The following LRCH2 variants were observed in gnomAD, a reference collection of about 807,000 sequenced individuals.
LRCH2 encodes the protein leucine-rich repeat and calponin homology domain-containing protein 2.
A neutral mutation model predicts 68.9 loss-of-function variants in LRCH2; 38 were observed. The observed-to-expected ratio is 0.55, with a 90% CI of 0.43 to 0.72. LRCH2 has a LOEUF of 0.72. Among genes scored for constraint, LRCH2 ranks in the 30% least tolerant of loss-of-function variants. LRCH2 has a pLI of 0.00. For synonymous variants in LRCH2, 191 were observed against 208.1 expected (o/e 0.92, Z 0.71); for missense variants, 528 against 572.9 (o/e 0.92, Z 0.80).
At chrX:115,152,159 C>T (rs2072437003) in intron 12 of LRCH2, among the ~76,000 whole-genome samples, 1 of 111,607 alleles carries the variant, frequency 9.0e-6, no homozygotes, top group African/African-American at 3.3e-5. Context: ...CCTCATAATT[C>T]ACAGGACATC....
rs972128278 is a variant in LRCH2, at chrX:115,230,069, G to C, written c.349+3624C>G. 5.4e-5 allele frequency among the ~76,000 whole-genome samples: 6 copies of C among 112,094 alleles called. No homozygotes were observed. The Admixed American group carries it at 5.7e-4, about 11-fold the overall frequency. ...ACTGGTGACAGAGTCAACTATGCAAGGTTTCAGGATTTGTTTGGGTAACAA... is the reference window on the plus strand; with the variant it reads ...ACTGGTGACAGAGTCAACTATGCAACGTTTCAGGATTTGTTTGGGTAACAA... On this transcript the variant is annotated intron_variant, in intron 1 of 20. Coordinates refer to ENST00000317135, the MANE Select transcript of LRCH2 (RefSeq NM_020871.4).
At chrX:115,172,752 ATTT>A (rs35680669) in intron 5 of LRCH2, among the ~76,000 whole-genome samples, 3 of 82,759 alleles carry the variant, frequency 3.6e-5, no homozygotes, top group African/African-American at 1.3e-4. Flanking sequence ...CTTACTTTCT[ATTT>A]TTTTTTTTTT....
At chrX:115,140,597 A>G (rs1331127610) in intron 14 of LRCH2, among the ~76,000 whole-genome samples, 2 of 110,677 alleles carry the variant, frequency 1.8e-5, no homozygotes, top group Non-Finnish European at 3.8e-5. Flanking sequence ...GCATTTCTGG[A>G]CCTGCCCCAA....
Position 115,233,998 on chromosome X carries a change from C to A in LRCH2, c.44G>T (p.Gly15Val), listed in dbSNP as rs937307325. ...QGGGGNSGGGGCGGGGSSGGC... is the reference protein window; with the variant it reads ...QGGGGNSGGGVCGGGGSSGGC... ...ACCGCTACTTCCACCTCCACCACAA[C>A]CGCCGCCCCCACTGTTACCGCCTCC... The change falls in exon 1 of 21, where the codon GGT becomes GTT. Residue 15 changes from glycine (G) to valine (V), a missense_variant. Coordinates refer to ENST00000317135, the MANE Select transcript of LRCH2 (RefSeq NM_020871.4). 8.6e-7 allele frequency: 1 copy of A among 1,166,580 alleles called. No individual in the cohort carries two copies. The highest frequency in any genetic ancestry group is 1.1e-6 in the Non-Finnish European group (1 of 872,704).
At chrX:115,191,773 C>G in intron 1 of LRCH2, 1 of 1,161,699 alleles carries the variant, frequency 8.6e-7, no homozygotes, top group African/African-American at 1.8e-5. Context: ...AGGAGGAGGC[C>G]GCTACGAGGA....
In LRCH2 at chrX:115,153,334, A is replaced by T. The variant is rs190441537; in HGVS notation, c.1530-3264T>A. Among the ~76,000 whole-genome samples, 461 of 109,289 alleles carry T rather than the reference A, an allele frequency of 4.2e-3. 4 individuals are homozygous for T. Among genetic ancestry groups the T allele is most frequent in the African/African-American group, 0.015 (438 of 30,031 alleles). The allele number at this position is 109,289 out of a possible 115,157, so 94.9% of individuals were successfully genotyped here. A position where few individuals can be genotyped will look rare whatever the true frequency, so the allele number is the denominator to read the frequency against. On this transcript the variant is annotated intron_variant, in intron 12 of 20. Transcript: ENST00000317135. ...GCAAGATCCTGTTTAAAAAAAAAAA[A>T]TTTAAAAAAAGACTTTTTCAGACAT...
At chrX:115,189,191 G>T (rs1556555832) in intron 1 of LRCH2, among the ~76,000 whole-genome samples, 1 of 112,419 alleles carries the variant, frequency 8.9e-6, no homozygotes, top group Admixed American at 9.4e-5. Flanking sequence ...CTCTGGCTTA[G>T]AAGACTACAC....
At chrX:115,166,461 A>C (rs1214394421) in intron 6 of LRCH2, 119 bp from the exon 7 acceptor site, 2 of 454,877 alleles carry the variant, frequency 4.4e-6, no homozygotes, top group African/African-American at 2.6e-5. Flanking sequence ...TAAGATCCTT[A>C]ATTAGGGACA....
intron 18 of LRCH2, 89 bp from the exon 19 acceptor site, chrX:115,122,986 TA>T: frequency 1.3e-5 from 14 of 1,083,995 alleles, no homozygotes; most frequent in Non-Finnish European, 1.6e-5. Flanking sequence ...CCAAACATTT[TA>T]AGGAGCATTG....
intron 1 of LRCH2, among the ~76,000 whole-genome samples, chrX:115,203,527 CT>C (rs1223889249): frequency 8.9e-6 from 1 of 112,598 alleles, no homozygotes; most frequent in African/African-American, 3.2e-5. Flanking sequence ...AAGTTAGTTA[CT>C]TCCTATATAC....
intron 14 of LRCH2, among the ~76,000 whole-genome samples, chrX:115,132,623 C>A (rs1385202957): frequency 8.9e-6 from 1 of 111,869 alleles, no homozygotes; most frequent in African/African-American, 3.2e-5. Context: ...CCTCCACTGT[C>A]TCTCCTATGG....
chrX:115,231,968 G>C (rs2073155457), intron 1 of LRCH2, among the ~76,000 whole-genome samples: 1 of 111,543 alleles, frequency 9.0e-6, no homozygotes, highest in Admixed American at 9.5e-5. Flanking sequence ...ACAATTTCTT[G>C]GAAGAGCTGG....
chrX:115,191,125 G>A (rs1458277387), intron 1 of LRCH2: 5 of 1,165,700 alleles, frequency 4.3e-6, no homozygotes, highest in Admixed American at 2.6e-5. Context: ...CTCGCATGAC[G>A]CCCACAGTGG....
rs782568518 is a variant in LRCH2, at chrX:115,219,400, T to C, written c.349+14293A>G. ...AATAAATTGACCAATTAAAAAGTAA[T>C]GACAAATTCCACAAACTGGAAAAAA... On this transcript the variant is annotated intron_variant, in intron 1 of 20. Transcript: ENST00000317135. 3.8e-5 allele frequency among the ~76,000 whole-genome samples: 3 copies of C among 78,588 alleles called. No individual in the cohort carries two copies. In the East Asian group the frequency reaches 1.3e-3, roughly 34 times the overall value. 68.2% of individuals were successfully genotyped at this position (78,588 alleles called of 115,157 possible).
chrX:115,143,748 C>T (rs782413407), intron 14 of LRCH2, among the ~76,000 whole-genome samples: 12 of 111,162 alleles, frequency 1.1e-4, no homozygotes, highest in Non-Finnish European at 2.1e-4. Context: ...ACTAGCAAAC[C>T]GAATTCAACA....
chrX:115,122,329 A>G (rs903442534), intron 20 of LRCH2, among the ~76,000 whole-genome samples, 198 bp downstream of exon 20: 3 of 111,502 alleles, frequency 2.7e-5, no homozygotes, highest in African/African-American at 9.8e-5. Flanking sequence ...TAGCTATTTT[A>G]TAAATTACTT....
chrX:115,188,838 G>GA (rs1183704068), intron 1 of LRCH2, among the ~76,000 whole-genome samples: 31 of 111,625 alleles, frequency 2.8e-4, no homozygotes, highest in African/African-American at 1.0e-3. Context: ...CTCAAAAAAA[G>GA]AAAAAAACCT....
intron 5 of LRCH2, among the ~76,000 whole-genome samples, chrX:115,172,761 T>TCCAAAAA (rs2072614391): frequency 1.9e-5 from 2 of 105,101 alleles, no homozygotes; most frequent in African/African-American, 6.9e-5. Flanking sequence ...TATTTTTTTT[T>TCCAAAAA]TTTTTTTTTT....
At chrX:115,150,359 T>C (rs1465270199) in intron 12 of LRCH2, among the ~76,000 whole-genome samples, 1 of 111,054 alleles carries the variant, frequency 9.0e-6, no homozygotes, top group African/African-American at 3.3e-5. Flanking sequence ...TAAAGATATA[T>C]TGTCAAAGGA....
Sources: allele counts gnomAD v4.1 joint callset (sites outside exome capture counted in the v4.1 genomes callset), GRCh38; gene constraint gnomAD v4.1.1; transcripts MANE v1.5; gene names NCBI Gene and HGNC (gene_info 2026-07-23, HGNC 2026-07-21).